Variants in FBXO11 observed in about 807,000 individuals in gnomAD.
FBXO11 encodes the protein F-box only protein 11.
FBXO11 carries 13 observed loss-of-function variants against 117.0 expected under a neutral mutation model. That is an observed-to-expected ratio of 0.11 (90% CI 0.07 to 0.18). The LOEUF (loss-of-function observed/expected upper bound fraction) is 0.18. FBXO11 is among the 10% of genes least tolerant of loss of function. FBXO11 has a pLI of 1.00. For synonymous variants in FBXO11, 490 were observed against 380.5 expected, an observed-to-expected ratio of 1.29 and a Z score of -3.35; for missense variants, 767 against 1,164.4, an observed-to-expected ratio of 0.66 and a Z score of 4.97.
At chr2:47,850,812 T>C (rs1343054015) in intron 1 of FBXO11, among the ~76,000 whole-genome samples, 2 of 152,198 alleles carry the variant, frequency 1.3e-5, no homozygotes, top group African/African-American at 2.4e-5. Flanking sequence ...CCCAAGACAT[T>C]TTCTCTCATT....
At chr2:47,820,515 A>C in intron 13 of FBXO11, 59 bp from the exon 14 acceptor site, 1 of 1,305,146 alleles carries the variant, frequency 7.7e-7, no homozygotes, top group East Asian at 2.3e-5. Flanking sequence ...TACAGTAAGG[A>C]TTTTACATTA....
At chr2:47,850,992 T>C (rs1673815339) in intron 1 of FBXO11, among the ~76,000 whole-genome samples, 1 of 152,146 alleles carries the variant, frequency 6.6e-6, no homozygotes, top group Non-Finnish European at 1.5e-5. Flanking sequence ...CAAGAAAAAA[T>C]TTTTTAAAGT....
intron 21 of FBXO11, 52 bp downstream of exon 21, chr2:47,809,106 A>T: frequency 8.4e-7 from 1 of 1,197,148 alleles, no homozygotes; most frequent in Non-Finnish European, 1.2e-6. Context: ...TGCTAATTTA[A>T]AAAGGAAATC....
Position 47,809,181 on chromosome 2 carries a change from G to C in FBXO11, c.2532C>G (p.Ser844Arg), listed in dbSNP as rs775652728. ...ACCTGTAGAAATCATGCATGGGATA[G>C]CTGGTATAACTTGATATTTTATATA... is the stretch of plus-strand genomic sequence containing the variant. ...QCLYKISSYT[S>R]YPMHDFYRCH... The change falls in exon 21 of 23, where the codon AGC (serine) becomes AGG (arginine). Residue 844 changes from serine (S) to arginine (R), a missense_variant. Ser to Arg is a moderately radical substitution (Grantham distance 110). Coordinates refer to ENST00000403359, the MANE Select transcript of FBXO11 (RefSeq NM_001190274.2). 1 of 1,594,504 alleles carries C rather than the reference G, an allele frequency of 6.3e-7. No homozygotes were observed. Among genetic ancestry groups the C allele is most frequent in the Admixed American group, 1.7e-5 (1 of 58,534 alleles).
chr2:47,848,252 C>G (rs1450276102), intron 1 of FBXO11, among the ~76,000 whole-genome samples: 2 of 152,212 alleles, frequency 1.3e-5, no homozygotes, highest in Non-Finnish European at 2.9e-5. Flanking sequence ...CTGGGCCACC[C>G]AGGAGGTGAG....
rs975952587 is a variant in FBXO11 at position 47,905,538 on chromosome 2, T to A, written c.183A>T (p.Pro61=). 3.3e-5 allele frequency: 41 copies of A among 1,234,926 alleles called. No individual in the cohort carries two copies. Among genetic ancestry groups the A allele is most frequent in the Non-Finnish European group, 3.9e-5 (39 of 991,932 alleles). The allele number at this position is 1,234,926 out of a possible 1,614,324, so 76.5% of individuals were successfully genotyped here. ...QQQQQQPPPP[P]PPPPPLPQER... ...CCTGAGGCAGCGGCGGAGGCGGCGG[T>A]GGCGGCGGCGGAGGCTGCTGCTGCT... is the stretch of plus-strand genomic sequence containing the variant. The change falls in exon 1 of 23, where the codon CCA becomes CCT. Residue 61 remains proline (P), a synonymous_variant. Transcript: ENST00000403359.
chr2:47,817,362 C>A (rs1049903202), intron 16 of FBXO11, among the ~76,000 whole-genome samples: 3 of 152,264 alleles, frequency 2.0e-5, no homozygotes, highest in African/African-American at 7.2e-5. Context: ...AAAACATTCT[C>A]CATATTAGCA....
Position 47,809,255 on chromosome 2 carries a change from T to C in FBXO11, c.2458A>G (p.Met820Val), listed in dbSNP as rs747122948. 160 of 1,569,078 alleles carry C rather than the reference T, an allele frequency of 1.0e-4. No homozygotes were observed. The highest frequency in any genetic ancestry group is 1.7e-4 in the Middle Eastern group (1 of 5,900). The change falls in exon 21 of 23, where the codon ATG (methionine) becomes GTG (valine). Residue 820 changes from methionine to valine, a missense_variant. This residue lies in a region of FBXO11 where 66 missense variants were observed against 82.7 expected (regional missense o/e 0.80). Transcript: ENST00000403359. ...TTTTCTATGGCATCTTGATTGTTCA[T>C]TATTTTGTTATCTGTAATAAAAGAA... is the stretch of plus-strand genomic sequence containing the variant. The part of the protein sequence containing the change: ...VNVTMKDNKI[M>V]NNQDAIEKAV...
At chr2:47,882,903 C>A (rs1268914931) in intron 1 of FBXO11, among the ~76,000 whole-genome samples, 1 of 152,160 alleles carries the variant, frequency 6.6e-6, no homozygotes, top group Admixed American at 6.5e-5. Context: ...CCTGTCTCAG[C>A]CTCCCAAAGT....
chr2:47,899,944 C>T (rs1312108904), intron 1 of FBXO11, among the ~76,000 whole-genome samples: 4 of 146,224 alleles, frequency 2.7e-5, no homozygotes, highest in South Asian at 2.2e-4. Context: ...TTAAAACAAA[C>T]GGTGGGGGGC....
At chr2:47,892,456 C>G (rs1224809349) in intron 1 of FBXO11, among the ~76,000 whole-genome samples, 8 of 152,190 alleles carry the variant, frequency 5.3e-5, no homozygotes, top group Non-Finnish European at 1.0e-4. Flanking sequence ...TGTGATCAAC[C>G]TCCCTACATC....
At chr2:47,835,719 A>G (rs1420335408) in intron 5 of FBXO11, among the ~76,000 whole-genome samples, 153 bp downstream of exon 5, 1 of 152,156 alleles carries the variant, frequency 6.6e-6, no homozygotes, top group Non-Finnish European at 1.5e-5. Flanking sequence ...GCTGGTCTCG[A>G]ACTCCTGACC....
intron 1 of FBXO11, among the ~76,000 whole-genome samples, chr2:47,885,231 T>C (rs1169508546): frequency 6.6e-6 from 1 of 152,140 alleles, no homozygotes; most frequent in Non-Finnish European, 1.5e-5. Flanking sequence ...AAGCAACCAC[T>C]GAGTTCACAA....
At chr2:47,819,792 G>T (rs1439489398) in intron 14 of FBXO11, among the ~76,000 whole-genome samples, 1 of 152,132 alleles carries the variant, frequency 6.6e-6, no homozygotes, top group East Asian at 1.9e-4. Context: ...GGTAACTGAG[G>T]ACATGTGCAT....
chr2:47,809,813 A>G (rs1443178139), intron 19 of FBXO11, 106 bp from the exon 20 acceptor site: 1 of 693,580 alleles, frequency 1.4e-6, no homozygotes, highest in Non-Finnish European at 2.5e-6. Flanking sequence ...AAGTACATTA[A>G]CCCTCTTAAT....
chr2:47,853,254 T>C (rs1161537512), intron 1 of FBXO11, among the ~76,000 whole-genome samples: 2 of 151,942 alleles, frequency 1.3e-5, no homozygotes, highest in African/African-American at 4.8e-5. Context: ...GTATTTTCAG[T>C]ACAGACGGGG....
intron 1 of FBXO11, among the ~76,000 whole-genome samples, chr2:47,890,196 G>A (rs1270347657): frequency 6.6e-6 from 1 of 152,038 alleles, no homozygotes; most frequent in Non-Finnish European, 1.5e-5. Context: ...TGCACTCTTG[G>A]TCTTAAAGGA....
chr2:47,901,848 T>C (rs1452816414), intron 1 of FBXO11, among the ~76,000 whole-genome samples: 1 of 152,242 alleles, frequency 6.6e-6, no homozygotes, highest in African/African-American at 2.4e-5. Context: ...TTCTAGAATT[T>C]TAAAACAAAA....
intron 1 of FBXO11, among the ~76,000 whole-genome samples, chr2:47,887,911 G>A (rs1417082821): frequency 1.3e-5 from 2 of 152,122 alleles, no homozygotes; most frequent in African/African-American, 2.4e-5. Context: ...AGCTACTGGC[G>A]CAGAGGTGAG....
Sources: gnomAD v4.1 joint callset for allele counts (sites outside exome capture counted in the v4.1 genomes callset) on GRCh38, gnomAD v4.1.1 for gene constraint, gnomAD v4.1.1 regional missense constraint, MANE v1.5 for transcripts, NCBI Gene and HGNC (gene_info 2026-07-23, HGNC 2026-07-21) for gene names.